Variants in FGF14 observed in about 807,000 individuals in gnomAD.
FGF14 encodes fibroblast growth factor 14.
Under a neutral mutation model 25.5 loss-of-function variants are expected in FGF14, and 5 were observed. That is an observed-to-expected ratio of 0.20 (90% CI 0.10 to 0.41). The LOEUF (loss-of-function observed/expected upper bound fraction) is 0.41. FGF14 is among the 10% of genes least tolerant of loss of function. The probability of loss-of-function intolerance (pLI) is 1.00; values close to 1 mark genes in which losing one functional copy is unlikely to be tolerated. For missense variants in FGF14, 222 were observed against 320.1 expected, an observed-to-expected ratio of 0.69 and a Z score of 2.34; for synonymous variants, 138 against 118.3, an observed-to-expected ratio of 1.17 and a Z score of -1.08.
chr13:101,822,388 G>A (rs1182368323), intron 3 of FGF14, among the ~76,000 whole-genome samples: 2 of 151,782 alleles, frequency 1.3e-5, no homozygotes, highest in African/African-American at 4.8e-5. Flanking sequence ...TTGTGACATT[G>A]GCTCTTAGTA....
chr13:101,823,043 C>T (rs1275466302), intron 3 of FGF14, among the ~76,000 whole-genome samples: 1 of 152,098 alleles, frequency 6.6e-6, no homozygotes, highest in Non-Finnish European at 1.5e-5. Flanking sequence ...AAATTTCATT[C>T]CTTTTTATGG....
At chr13:101,999,653 A>G (rs1213367596) in intron 1 of FGF14, among the ~76,000 whole-genome samples, 2 of 152,182 alleles carry the variant, frequency 1.3e-5, no homozygotes, top group East Asian at 1.9e-4. Flanking sequence ...ACTATTCTTC[A>G]TGCATTATCC....
chr13:101,735,905 G>A (rs765106016), intron 3 of FGF14, among the ~76,000 whole-genome samples: 1 of 152,198 alleles, frequency 6.6e-6, no homozygotes, highest in East Asian at 1.9e-4. Context: ...TTACGTGAAA[G>A]AAATCAAACT....
At chr13:101,736,720 G>C (rs542247999) in intron 3 of FGF14, among the ~76,000 whole-genome samples, 39 of 152,140 alleles carry the variant, frequency 2.6e-4, no homozygotes, top group African/African-American at 8.4e-4. Flanking sequence ...GTATGCTAAA[G>C]GCTTTGCATA....
chr13:102,067,443 T>C (rs886308101), intron 1 of FGF14, among the ~76,000 whole-genome samples: 1 of 151,906 alleles, frequency 6.6e-6, no homozygotes, highest in Admixed American at 6.6e-5. Flanking sequence ...TAAAAATATA[T>C]TGAGCTTCCC....
At chr13:102,207,665 A>C (rs1450886056) in intron 1 of FGF14, among the ~76,000 whole-genome samples, 1 of 150,436 alleles carries the variant, frequency 6.6e-6, no homozygotes, top group East Asian at 1.9e-4. Flanking sequence ...TTATAGACCT[A>C]GAAGGTCTTT....
chr13:101,844,257 A>G (rs909317814), intron 3 of FGF14, among the ~76,000 whole-genome samples: 10 of 152,126 alleles, frequency 6.6e-5, no homozygotes, highest in East Asian at 1.9e-4. Context: ...GAAAAGTAGT[A>G]TAATCAGTGA....
chr13:102,317,582 C>A (rs1228593059), intron 1 of FGF14, among the ~76,000 whole-genome samples: 1 of 151,926 alleles, frequency 6.6e-6, no homozygotes, highest in African/African-American at 2.4e-5. Flanking sequence ...GTTTTTAAAC[C>A]TTTGTTTTTT....
At chr13:101,880,816 T>C (rs915965796) in intron 1 of FGF14, among the ~76,000 whole-genome samples, 47 of 152,282 alleles carry the variant, frequency 3.1e-4, no homozygotes, top group African/African-American at 1.1e-3. Context: ...TCAAATAGTA[T>C]TTATTGAACC....
chr13:102,166,418 G>A (rs1409440261), intron 1 of FGF14, among the ~76,000 whole-genome samples: 1 of 152,050 alleles, frequency 6.6e-6, no homozygotes, highest in Non-Finnish European at 1.5e-5. Flanking sequence ...GTGCAGCATA[G>A]AGGAAAATGC....
At chr13:102,147,269 A>T (rs939285992) in intron 1 of FGF14, among the ~76,000 whole-genome samples, 1 of 152,198 alleles carries the variant, frequency 6.6e-6, no homozygotes, top group African/African-American at 2.4e-5. Context: ...TAGGATTCAA[A>T]TTCTGGTTTT....
At chr13:101,848,082 CTT>C (rs2043558180) in intron 3 of FGF14, among the ~76,000 whole-genome samples, 1 of 151,908 alleles carries the variant, frequency 6.6e-6, no homozygotes, top group South Asian at 2.1e-4. Context: ...ATATTCTAAA[CTT>C]AACATATTTC....
intron 1 of FGF14, among the ~76,000 whole-genome samples, chr13:102,155,055 A>T (rs1205399375): frequency 6.6e-6 from 1 of 152,160 alleles, no homozygotes; most frequent in Non-Finnish European, 1.5e-5. Context: ...CTCCCACACA[A>T]TAATAATGGG....
chr13:102,207,712 A>T lies in FGF14; in HGVS notation c.208+193759T>A, dbSNP rs142475529. Among the ~76,000 whole-genome samples the T allele has an allele frequency of 8.1e-4, 123 of 152,032 alleles. 2 individuals are homozygous for T. Among genetic ancestry groups the T allele is most frequent in the African/African-American group, 2.8e-3 (115 of 41,422 alleles). On this transcript the variant is annotated intron_variant, in intron 1 of 4. Coordinates refer to the FGF14 transcript ENST00000376131. Reference sequence around the variant, plus strand: ...GCCTAAAATGAATGTTTTGAAGGTGAAAATAAAGTGCATATAGGATTTTCC... The same window carrying T: ...GCCTAAAATGAATGTTTTGAAGGTGTAAATAAAGTGCATATAGGATTTTCC...
chr13:101,850,185 G>A (rs1422588422), intron 3 of FGF14, among the ~76,000 whole-genome samples: 1 of 145,002 alleles, frequency 6.9e-6, no homozygotes, highest in Non-Finnish European at 1.5e-5. Context: ...TATAATCCCA[G>A]CACTTTGGGA....
At chr13:102,154,809 G>A (rs1192103597) in intron 1 of FGF14, among the ~76,000 whole-genome samples, 1 of 151,956 alleles carries the variant, frequency 6.6e-6, no homozygotes, top group Admixed American at 6.6e-5. Flanking sequence ...AAAATAAAGG[G>A]ATGGAGAAAG....
chr13:101,820,802 AC>A (rs1423616895), intron 3 of FGF14, among the ~76,000 whole-genome samples: 6 of 67,650 alleles, frequency 8.9e-5, no homozygotes, highest in African/African-American at 2.7e-4. Context: ...ACACACACAC[AC>A]ACAACACACA....
chr13:101,831,665 A>C (rs2140282897), intron 3 of FGF14, among the ~76,000 whole-genome samples: 1 of 152,200 alleles, frequency 6.6e-6, no homozygotes, highest in South Asian at 2.1e-4. Context: ...TCATTTAGTA[A>C]GCATTTACTT....
chr13:101,768,738 A>G (rs1315836574), intron 3 of FGF14, among the ~76,000 whole-genome samples: 2 of 152,164 alleles, frequency 1.3e-5, no homozygotes, highest in Non-Finnish European at 2.9e-5. Flanking sequence ...TTTTCAACTA[A>G]CGGTACTGGG....
Sources: allele counts gnomAD v4.1 joint callset (sites outside exome capture counted in the v4.1 genomes callset), GRCh38; gene constraint gnomAD v4.1.1; transcripts MANE v1.5; gene names NCBI Gene and HGNC (gene_info 2026-07-23, HGNC 2026-07-21).